The following SHKBP1 variants were observed in gnomAD, a reference collection of about 807,000 sequenced individuals.
SHKBP1 encodes the protein SH3KBP1 binding protein 1, also known as SH3KBP1-binding protein 1.
In SHKBP1, 71 loss-of-function variants were observed where a neutral mutation model predicts 83.9. The observed-to-expected ratio is 0.85, with a 90% confidence interval of 0.70 to 1.03. SHKBP1 has a LOEUF of 1.03. SHKBP1 is among the 50% of genes least tolerant of loss of function. SHKBP1 has a pLI of 0.00. For missense variants in SHKBP1, 824 were observed against 982.4 expected (o/e 0.84, Z 2.16); for synonymous variants, 371 against 398.0 (o/e 0.93, Z 0.81).
chr19:40,583,761 C>T, intron 12 of SHKBP1, 44 bp downstream of exon 12: 1 of 1,437,926 alleles, frequency 7.0e-7, no homozygotes. Context: ...ACCTGCCAGC[C>T]CCAGCCCCAG....
At chr19:40,579,112 T>C (rs1300985339) in intron 6 of SHKBP1, among the ~76,000 whole-genome samples, 1 of 152,072 alleles carries the variant, frequency 6.6e-6, no homozygotes, top group Non-Finnish European at 1.5e-5. Context: ...TATTTATTTA[T>C]TTATTTATTT....
chr19:40,577,161 C>G, intron 1 of SHKBP1, 70 bp from the exon 2 acceptor site: 1 of 1,583,584 alleles, frequency 6.3e-7, no homozygotes, highest in Non-Finnish European at 8.7e-7. Context: ...ACCCTGGATC[C>G]TGCGGGAGGG....
In SHKBP1 at chr19:40,590,549, C is replaced by A; in HGVS notation, c.1768+127C>A. 7.8e-7 allele frequency: 1 copy of A among 1,283,448 alleles called. No individual in the cohort carries two copies. The highest frequency in any genetic ancestry group is 1.1e-6 in the Non-Finnish European group (1 of 927,396). The allele number at this position is 1,283,448 out of a possible 1,614,324, so 79.5% of individuals were successfully genotyped here. The stretch of plus-strand genomic sequence containing the variant: ...CTGACCCCTTTTCCTTTGACCCCCT[C>A]TCTGCTCCCCATCCCTTCCTGCCCT... On this transcript the variant is annotated intron_variant, in intron 16 of 17. Coordinates refer to ENST00000291842, the MANE Select transcript of SHKBP1 (RefSeq NM_138392.4). The surrounding 1 kb of genome is among the most constrained non-coding windows in gnomAD (Gnocchi z 4.6).
At position 40,590,514 on chromosome 19, in the gene SHKBP1, C is replaced by T. The variant is rs1448898917; in HGVS notation, c.1768+92C>T. 1 of 1,437,298 alleles carries T rather than the reference C, an allele frequency of 7.0e-7. No individual in the cohort carries two copies. Among genetic ancestry groups the T allele is most frequent in the Non-Finnish European group, 9.4e-7 (1 of 1,058,652 alleles). The allele number at this position is 1,437,298 out of a possible 1,614,324, so 89.0% of individuals were successfully genotyped here. On this transcript the variant is annotated intron_variant, in intron 16 of 17. Transcript: ENST00000291842. This position sits in a 1 kb window ranked among gnomAD's most constrained non-coding sequence, Gnocchi z 4.6. Reference sequence around the variant, plus strand: ...CCAACTGCTTGATCTCTCTCCCAGGCCCTTGCCCTCTGACCCCTTTTCCTT... The same window carrying T: ...CCAACTGCTTGATCTCTCTCCCAGGTCCTTGCCCTCTGACCCCTTTTCCTT...
At chr19:40,577,473 G>A (rs1213885478) in intron 3 of SHKBP1, 32 bp downstream of exon 3, 1 of 1,613,624 alleles carries the variant, frequency 6.2e-7, no homozygotes, top group East Asian at 2.2e-5. Flanking sequence ...ATGGGATGGG[G>A]GGGAGGGGTT....
chr19:40,589,339 T>C (rs1046422960), intron 15 of SHKBP1, among the ~76,000 whole-genome samples, 161 bp downstream of exon 15: 1 of 148,576 alleles, frequency 6.7e-6, no homozygotes, highest in African/African-American at 2.5e-5. Flanking sequence ...ACAGGCCTGG[T>C]AGGTTTGTCT....
chr19:40,583,805 C>T (rs2081289965), intron 12 of SHKBP1, 88 bp downstream of exon 12: 2 of 988,362 alleles, frequency 2.0e-6, no homozygotes, highest in Non-Finnish European at 3.2e-6. Flanking sequence ...GTAGCATGAC[C>T]CAGAGGGGTT....
chr19:40,590,393 C>T lies in SHKBP1; in HGVS notation c.1739C>T (p.Thr580Ile). 4 of 1,610,998 alleles carry T rather than the reference C, an allele frequency of 2.5e-6. No individual in the cohort carries two copies. Among genetic ancestry groups the T allele is most frequent in the Non-Finnish European group, 3.4e-6 (4 of 1,178,752 alleles). The change falls in exon 16 of 18, where the codon ACC becomes ATC. Residue 580 changes from threonine (T) to isoleucine (I), a missense_variant. Around this residue, in one of 3 missense-constraint regions of SHKBP1, gnomAD observed 287 missense variants for 322.9 expected, o/e 0.89. Coordinates refer to ENST00000291842, the MANE Select transcript of SHKBP1 (RefSeq NM_138392.4). This position sits in a 1 kb window ranked among gnomAD's most constrained non-coding sequence, Gnocchi z 4.6. Reference protein sequence around the residue: ...NGSLAMWDLTTAMDGLGQAPA... With the variant: ...NGSLAMWDLTIAMDGLGQAPA... ...AGCTTGGCCATGTGGGACCTAACCA[C>T]CGCCATGGACGGCCTCGGCCAGGCC...
chr19:40,583,754 TGCCAGC>T, intron 12 of SHKBP1, 37 bp downstream of exon 12: 1 of 1,531,522 alleles, frequency 6.5e-7, no homozygotes, highest in Non-Finnish European at 9.0e-7. Context: ...TGCTGTCACC[TGCCAGC>T]CCCAGCCCCA....
intron 12 of SHKBP1, among the ~76,000 whole-genome samples, chr19:40,584,967 G>A (rs999105692): frequency 4.6e-5 from 7 of 152,110 alleles, no homozygotes; most frequent in African/African-American, 1.7e-4. Flanking sequence ...TGTTTTCTGG[G>A]TCTTAAGATA....
chr19:40,579,894 G>A (rs368884520), intron 6 of SHKBP1, among the ~76,000 whole-genome samples: 5 of 152,098 alleles, frequency 3.3e-5, no homozygotes, highest in South Asian at 4.1e-4. Context: ...TTAGCCATGT[G>A]TCGTGGTGGG....
chr19:40,578,298 A>G lies in SHKBP1; in HGVS notation c.319+86A>G. The stretch of plus-strand genomic sequence containing the variant: ...CTGCCCCTCTTCCCCTTCTCTCCTG[A>G]AAGAGGGCTGGGGTAGAGGTGGGAG... On this transcript the variant is annotated intron_variant, in intron 5 of 17. Coordinates refer to ENST00000291842, the MANE Select transcript of SHKBP1 (RefSeq NM_138392.4). 2.0e-6 allele frequency: 3 copies of G among 1,511,224 alleles called. No homozygotes were observed. The South Asian group carries it at 3.4e-5, about 17-fold the overall frequency. 93.6% of individuals were successfully genotyped at this position (1,511,224 alleles called of 1,614,324 possible).
At chr19:40,586,716 T>A (rs568050163) in intron 12 of SHKBP1, 58 bp from the exon 13 acceptor site, 1 of 1,427,768 alleles carries the variant, frequency 7.0e-7, no homozygotes, top group South Asian at 1.5e-5. Flanking sequence ...TCTTTCTCCC[T>A]GCCCTGGTTT....
At chr19:40,589,478 G>T (rs1425712480) in intron 15 of SHKBP1, among the ~76,000 whole-genome samples, 1 of 118,326 alleles carries the variant, frequency 8.5e-6, no homozygotes, top group African/African-American at 3.3e-5. Context: ...GGCGGAGGGG[G>T]AGGGGTGGGA....
At position 40,591,366 on chromosome 19, in the gene SHKBP1, G is replaced by A. The variant is rs530501877; in HGVS notation, c.*159G>A. The stretch of plus-strand genomic sequence containing the variant: ...CCTTCCCTCTTTTCTGGAAGCCAAA[G>A]TCACCCTCCCCAATAAAGTCCTCAC... On this transcript the variant is annotated 3_prime_UTR_variant, in exon 18 of 18. Transcript: ENST00000291842. 1.5e-5 allele frequency: 9 copies of A among 611,952 alleles called. No homozygotes were observed. The East Asian group carries it at 2.8e-4, about 19-fold the overall frequency. 37.9% of individuals were successfully genotyped at this position (611,952 alleles called of 1,614,324 possible). A position where few individuals can be genotyped will look rare whatever the true frequency, so the allele number is the denominator to read the frequency against.
In SHKBP1 at chr19:40,588,623, G is replaced by A; in HGVS notation, c.1337-1G>A. ...CTTCCTGCTCTCCTTGTGCCCCTCAGTCTGTGCCGACAACAACCACGTGCG... is the reference window on the plus strand; with the variant it reads ...CTTCCTGCTCTCCTTGTGCCCCTCAATCTGTGCCGACAACAACCACGTGCG... On this transcript the variant is annotated splice_acceptor_variant, in intron 13 of 17. Coordinates refer to ENST00000291842, the MANE Select transcript of SHKBP1 (RefSeq NM_138392.4). LOFTEE classifies it high-confidence loss of function. 1.2e-6 allele frequency: 2 copies of A among 1,614,198 alleles called. No individual in the cohort carries two copies. The highest frequency in any genetic ancestry group is 1.7e-6 in the Non-Finnish European group (2 of 1,180,032).
chr19:40,589,043 A>C, intron 14 of SHKBP1, 39 bp from the exon 15 acceptor site: 1 of 1,584,692 alleles, frequency 6.3e-7, no homozygotes, highest in Non-Finnish European at 8.6e-7. Context: ...GGCTGAGGGA[A>C]TCCCAGCTGG....
At chr19:40,589,588 G>A (rs1381706541) in intron 15 of SHKBP1, among the ~76,000 whole-genome samples, 2 of 151,356 alleles carry the variant, frequency 1.3e-5, no homozygotes, top group South Asian at 2.1e-4. Flanking sequence ...ATGGGATGGA[G>A]GAGACCCAGG....
rs762560064 is a variant in SHKBP1 at position 40,590,339 on chromosome 19, G to T, written c.1685G>T (p.Arg562Leu). Reference protein sequence around the residue: ...GSRRLGSRPRRYLLTGQANGS... With the variant: ...GSRRLGSRPRLYLLTGQANGS... ...CGGCGGCTCGGCTCTCGGCCCCGGCGCTACCTGCTCACTGGCCAGGCCAAC... is the reference window on the plus strand; with the variant it reads ...CGGCGGCTCGGCTCTCGGCCCCGGCTCTACCTGCTCACTGGCCAGGCCAAC... The change falls in exon 16 of 18, where the codon CGC becomes CTC. Residue 562 changes from arginine to leucine, a missense_variant. Arg to Leu is a moderately radical substitution (Grantham distance 102, BLOSUM62 -2). Around this residue, in one of 3 missense-constraint regions of SHKBP1, gnomAD observed 287 missense variants for 322.9 expected, o/e 0.89. Transcript: ENST00000291842. This position sits in a 1 kb window ranked among gnomAD's most constrained non-coding sequence, Gnocchi z 4.6. 1 of 1,611,824 alleles carries T rather than the reference G, an allele frequency of 6.2e-7. No individual in the cohort carries two copies. Among genetic ancestry groups the T allele is most frequent in the Non-Finnish European group, 8.5e-7 (1 of 1,179,356 alleles).
Sources: gnomAD v4.1 joint callset for allele counts (sites outside exome capture counted in the v4.1 genomes callset) on GRCh38, gnomAD v4.1.1 for gene constraint, gnomAD v4.1.1 regional missense constraint, Gnocchi (gnomAD v3.1) non-coding constraint, MANE v1.5 for transcripts, NCBI Gene and HGNC (gene_info 2026-07-23, HGNC 2026-07-21) for gene names.